The following CCDC77 variants were observed in gnomAD, a reference collection of about 807,000 sequenced individuals.
The protein encoded by CCDC77 is coiled-coil domain containing 77.
CCDC77 carries 56 observed loss-of-function variants against 66.8 expected under a neutral mutation model. The observed-to-expected ratio is 0.84, with a 90% CI of 0.68 to 1.05. The LOEUF (loss-of-function observed/expected upper bound fraction) is 1.05, where lower values mean the gene tolerates loss of function less well. Among genes scored for constraint, CCDC77 ranks in the 50% least tolerant of loss-of-function variants. The pLI, the probability that CCDC77 is intolerant of heterozygous loss-of-function variation, is 0.00. For missense variants in CCDC77, 570 were observed against 576.8 expected, an observed-to-expected ratio of 0.99 and a Z score of 0.12; for synonymous variants, 196 against 195.2, an observed-to-expected ratio of 1.00 and a Z score of -0.03.
chr12:389,487 G>A lies in CCDC77; in HGVS notation c.-113+1G>A. The A allele has an allele frequency of 7.6e-6, 3 of 395,228 alleles. No homozygotes were observed. Among genetic ancestry groups the A allele is most frequent in the South Asian group, 5.2e-5 (2 of 38,560 alleles). 24.5% of individuals were successfully genotyped at this position (395,228 alleles called of 1,614,324 possible). On this transcript the variant is annotated splice_donor_variant, in intron 1 of 11. Transcript: ENST00000422000. LOFTEE classifies it low-confidence loss of function (5UTR_SPLICE). ...AACGACTCCACGCAGCTCGCCCTTG[G>A]TAAGGGGTCGGGGAGGGGCACAAGC...
At position 416,879 on chromosome 12, in the gene CCDC77, C is replaced by T. The variant is rs180707297; in HGVS notation, c.271-1615C>T. On this transcript the variant is annotated intron_variant, in intron 4 of 12. Transcript: ENST00000239830. ...TCCCAGCACTTTGGGAGGCCGAGGC[C>T]GGCGGATCACCTGGGGTCAGGAGTT... is the stretch of plus-strand genomic sequence containing the variant. 9.0e-5 allele frequency among the ~76,000 whole-genome samples: 7 copies of T among 77,818 alleles called. No individual in the cohort carries two copies. The Admixed American group carries it at 1.3e-3, about 14-fold the overall frequency. 51.1% of individuals were successfully genotyped at this position (77,818 alleles called of 152,430 possible).
At chr12:392,000 A>G (rs1457909754) in intron 1 of CCDC77, among the ~76,000 whole-genome samples, 1 of 152,190 alleles carries the variant, frequency 6.6e-6, no homozygotes, top group East Asian at 1.9e-4. Flanking sequence ...TTTGAAAATC[A>G]CTGTTGTAAA....
At chr12:412,941 T>G (rs1480595721) in intron 4 of CCDC77, among the ~76,000 whole-genome samples, 1 of 152,068 alleles carries the variant, frequency 6.6e-6, no homozygotes, top group Non-Finnish European at 1.5e-5. Flanking sequence ...CTCTGGTTGC[T>G]TTTCTTTTTT....
At chr12:416,377 GTATATATATATATATA>G (rs1167006549) in intron 4 of CCDC77, among the ~76,000 whole-genome samples, 27 of 20,602 alleles carry the variant, frequency 1.3e-3, no homozygotes, top group East Asian at 4.9e-3. Context: ...GTGTGTGTGT[GTATATATATATATATA>G]TATATATATA....
intron 12 of CCDC77, among the ~76,000 whole-genome samples, chr12:441,372 A>C (rs1031479441): frequency 2.0e-5 from 3 of 152,210 alleles, no homozygotes; most frequent in African/African-American, 4.8e-5. Context: ...AGTCTTCTTA[A>C]TGAGATTTAG....
chr12:413,586 C>T (rs1162758777), intron 4 of CCDC77, among the ~76,000 whole-genome samples: 1 of 148,756 alleles, frequency 6.7e-6, no homozygotes, highest in African/African-American at 2.6e-5. Context: ...TTCCCAGTCA[C>T]ACTTCCAGAA....
intron 3 of CCDC77, 37 bp downstream of exon 3, chr12:409,458 C>G: frequency 6.3e-7 from 1 of 1,580,614 alleles, no homozygotes; most frequent in East Asian, 2.2e-5. Flanking sequence ...GTTAAGAAAT[C>G]GAGACTTGTA....
chr12:440,454 G>A (rs984042890), intron 10 of CCDC77, among the ~76,000 whole-genome samples, 163 bp from the exon 11 acceptor site: 4 of 152,158 alleles, frequency 2.6e-5, no homozygotes, highest in African/African-American at 9.7e-5. Context: ...TGGTCTAGAA[G>A]TAGATTTTCA....
chr12:413,973 C>T (rs183671758), intron 4 of CCDC77, among the ~76,000 whole-genome samples: 1 of 151,726 alleles, frequency 6.6e-6, no homozygotes, highest in African/African-American at 2.4e-5. Flanking sequence ...TGCCATGCCA[C>T]TAAAACCGTG....
Position 411,924 on chromosome 12 carries a change from A to G in CCDC77, c.216A>G (p.Glu72=). The G allele has an allele frequency of 6.2e-7, 1 of 1,614,108 alleles. No individual in the cohort carries two copies. The highest frequency in any genetic ancestry group is 8.5e-7 in the Non-Finnish European group (1 of 1,180,034). The change falls in exon 4 of 13, where the codon GAA becomes GAG. Residue 72 remains glutamate (E), a synonymous_variant. Coordinates refer to ENST00000239830, the MANE Select transcript of CCDC77 (RefSeq NM_032358.4). Reference sequence around the variant, plus strand: ...AGAAGATGGCTGAGTGTGAGGCAGAAAATGAGGACTTGCTGAAGAAACTGG... The same window carrying G: ...AGAAGATGGCTGAGTGTGAGGCAGAGAATGAGGACTTGCTGAAGAAACTGG... ...YQKKMAECEA[E]NEDLLKKLEL...
At chr12:432,991 C>G (rs897071886) in intron 8 of CCDC77, among the ~76,000 whole-genome samples, 183 bp from the exon 9 acceptor site, 3 of 152,112 alleles carry the variant, frequency 2.0e-5, no homozygotes, top group Non-Finnish European at 4.4e-5. Flanking sequence ...ATGATCACGC[C>G]CACTGCACTC....
chr12:404,784 G>A (rs1446993591), intron 1 of CCDC77, among the ~76,000 whole-genome samples: 2 of 149,928 alleles, frequency 1.3e-5, no homozygotes, highest in South Asian at 2.1e-4. Context: ...GTGTAATGGC[G>A]CGATCTTGGC....
At chr12:425,436 A>G (rs1945509614) in intron 5 of CCDC77, among the ~76,000 whole-genome samples, 1 of 151,874 alleles carries the variant, frequency 6.6e-6, no homozygotes, top group African/African-American at 2.4e-5. Flanking sequence ...CACAGACACC[A>G]TAGGATCCGC....
chr12:391,446 A>G (rs899910292), intron 1 of CCDC77, among the ~76,000 whole-genome samples: 11 of 151,424 alleles, frequency 7.3e-5, no homozygotes, highest in Admixed American at 7.2e-4. Flanking sequence ...GAAGAGTGAG[A>G]CTCTGTCTCC....
chr12:434,842 C>T (rs1330510308), intron 9 of CCDC77, among the ~76,000 whole-genome samples: 2 of 152,230 alleles, frequency 1.3e-5, no homozygotes, highest in Non-Finnish European at 2.9e-5. Context: ...TTCCAGTGGC[C>T]AGACCTATGC....
intron 3 of CCDC77, among the ~76,000 whole-genome samples, chr12:410,267 G>GTTTT (rs5795915): frequency 6.7e-6 from 1 of 148,704 alleles, no homozygotes; most frequent in Non-Finnish European, 1.5e-5. Flanking sequence ...TACTATTTTT[G>GTTTT]TTTTTTTTTT....
intron 8 of CCDC77, 94 bp downstream of exon 8, chr12:432,048 T>A: frequency 1.4e-6 from 1 of 723,942 alleles, no homozygotes; most frequent in Non-Finnish European, 2.4e-6. Context: ...AGTATCTCCT[T>A]GCACACAGGT....
At chr12:424,310 G>T (rs1945489592) in intron 5 of CCDC77, among the ~76,000 whole-genome samples, 1 of 151,702 alleles carries the variant, frequency 6.6e-6, no homozygotes, top group Non-Finnish European at 1.5e-5. Context: ...ACCTTTGTTA[G>T]ATATACAGAT....
At chr12:435,748 T>G (rs1330216873) in intron 9 of CCDC77, among the ~76,000 whole-genome samples, 3 of 152,222 alleles carry the variant, frequency 2.0e-5, no homozygotes, top group Non-Finnish European at 4.4e-5. Flanking sequence ...TGTTTCATTT[T>G]TTCCAGTAAA....
Sources: allele counts gnomAD v4.1 joint callset (sites outside exome capture counted in the v4.1 genomes callset), GRCh38; gene constraint gnomAD v4.1.1; transcripts MANE v1.5; gene names NCBI Gene and HGNC (gene_info 2026-07-23, HGNC 2026-07-21).